The following HDAC4 variants were observed in gnomAD, a reference collection of about 807,000 sequenced individuals.
HDAC4 encodes the protein histone deacetylase A.
Under a neutral mutation model 135.1 loss-of-function variants are expected in HDAC4, and 16 were observed. The observed-to-expected ratio is 0.12, with a 90% confidence interval of 0.08 to 0.18. The LOEUF (loss-of-function observed/expected upper bound fraction) is 0.18. Ranked by LOEUF, HDAC4 falls within the 10% of genes least tolerant of loss-of-function variation. The pLI is 1.00. For missense variants in HDAC4, 1,143 were observed against 1,511.8 expected (o/e 0.76, Z 4.05); for synonymous variants, 685 against 653.4 (o/e 1.05, Z -0.74).
At chr2:239,346,054 A>ACAC (rs1362778018) in intron 2 of HDAC4, among the ~76,000 whole-genome samples, 3 of 136,618 alleles carry the variant, frequency 2.2e-5, no homozygotes, top group Admixed American at 7.5e-5. Context: ...TGAAACACAC[A>ACAC]CACCCCCATC....
intron 17 of HDAC4, among the ~76,000 whole-genome samples, chr2:239,092,532 G>T (rs769282473): frequency 1.3e-5 from 2 of 152,216 alleles, no homozygotes; most frequent in African/African-American, 4.8e-5. Flanking sequence ...GGAGCTGCTC[G>T]GTCTACCAGG....
chr2:239,383,944 G>C (rs545107425), intron 1 of HDAC4, among the ~76,000 whole-genome samples: 1 of 152,226 alleles, frequency 6.6e-6, no homozygotes, highest in Non-Finnish European at 1.5e-5. Flanking sequence ...AGGGCAGGGC[G>C]GCTGGAAGAG....
At chr2:239,237,813 TA>T (rs1475719712) in intron 2 of HDAC4, among the ~76,000 whole-genome samples, 1 of 151,914 alleles carries the variant, frequency 6.6e-6, no homozygotes, top group East Asian at 1.9e-4. Context: ...GTGCCAGAAA[TA>T]AAAATCAAAA....
chr2:239,055,590 A>T (rs1051936698), intron 24 of HDAC4, among the ~76,000 whole-genome samples: 1 of 151,928 alleles, frequency 6.6e-6, no homozygotes. Context: ...GGCGGTGGGC[A>T]CCTGTAGTCC....
intron 24 of HDAC4, among the ~76,000 whole-genome samples, chr2:239,064,193 G>T (rs2033175869): frequency 6.6e-6 from 1 of 152,252 alleles, no homozygotes; most frequent in Non-Finnish European, 1.5e-5. Flanking sequence ...GTCACCTGGA[G>T]ATATTGCTGG....
rs112537362 is a variant in HDAC4 at position 239,057,891 on chromosome 2, A to G, written c.3004-3058T>C. Among the ~76,000 whole-genome samples the G allele has an allele frequency of 3.0e-3, 450 of 152,358 alleles. 1 individual carries two copies. The highest frequency in any genetic ancestry group is 0.01 in the African/African-American group (428 of 41,576). ...TGGATGAACAGGGATGACATAGAGCAATAATAATGGTGTCTTATCAGTGAA... is the reference window on the plus strand; with the variant it reads ...TGGATGAACAGGGATGACATAGAGCGATAATAATGGTGTCTTATCAGTGAA... On this transcript the variant is annotated intron_variant, in intron 24 of 26. Transcript: ENST00000543185.
chr2:239,236,578 G>T lies in HDAC4; in HGVS notation c.94+15C>A, dbSNP rs1458744438. 2 of 1,549,456 alleles carry T rather than the reference G, an allele frequency of 1.3e-6. No homozygotes were observed. Among genetic ancestry groups the T allele is most frequent in the Non-Finnish European group, 1.7e-6 (2 of 1,144,956 alleles). ...CGCAGGGCCGGCCGGACAGGGCAGG[G>T]GTGGGCGGACTTACCCGTGCTGGGC... On this transcript the variant is annotated intron_variant, in intron 3 of 26. Coordinates refer to ENST00000543185, the MANE Select transcript of HDAC4 (RefSeq NM_001378414.1).
intron 3 of HDAC4, among the ~76,000 whole-genome samples, chr2:239,222,421 A>G (rs2047007846): frequency 6.6e-6 from 1 of 152,006 alleles, no homozygotes; most frequent in African/African-American, 2.4e-5. Context: ...GCAAGCTCAA[A>G]TTGAGCAAGA....
chr2:239,361,859 G>GT (rs2125967897), intron 1 of HDAC4, among the ~76,000 whole-genome samples: 1 of 152,294 alleles, frequency 6.6e-6, no homozygotes, highest in African/African-American at 2.4e-5. Context: ...TTATCTTGAT[G>GT]TATGTGTCTA....
intron 2 of HDAC4, among the ~76,000 whole-genome samples, chr2:239,275,397 C>T (rs2050298349): frequency 6.6e-6 from 1 of 152,230 alleles, no homozygotes; most frequent in Non-Finnish European, 1.5e-5. Context: ...CGGCAGGAGC[C>T]CAGACTTGCT....
At chr2:239,370,085 G>A (rs1366637188) in intron 1 of HDAC4, among the ~76,000 whole-genome samples, 2 of 152,254 alleles carry the variant, frequency 1.3e-5, no homozygotes, top group Admixed American at 1.3e-4. Context: ...GTACAGGACG[G>A]CAGGCCGTCT....
At chr2:239,304,165 T>C (rs1373240317) in intron 2 of HDAC4, among the ~76,000 whole-genome samples, 1 of 152,126 alleles carries the variant, frequency 6.6e-6, no homozygotes, top group African/African-American at 2.4e-5. Flanking sequence ...AGCAGGATAT[T>C]CACAAAGCCC....
Position 239,184,284 on chromosome 2 carries a change from T to TG in HDAC4, c.339+5548dup, listed in dbSNP as rs111920816. ...TACCTGCCCTGGAGGCTGTGCCCTA[T>TG]GGGGGGGTCCCTAAGTGTCTGTCCT... is the stretch of plus-strand genomic sequence containing the variant. On this transcript the variant is annotated intron_variant, in intron 4 of 26. Coordinates refer to ENST00000543185, the MANE Select transcript of HDAC4 (RefSeq NM_001378414.1). Among the ~76,000 whole-genome samples the TG allele has an allele frequency of 7.1e-3, 1,067 of 149,858 alleles. 4 individuals are homozygous for TG. Among genetic ancestry groups the TG allele is most frequent in the East Asian group, 0.034 (169 of 4,998 alleles).
At position 239,049,328 on chromosome 2, in the gene HDAC4, G is replaced by C. The variant is rs1454685038; in HGVS notation, c.*3769C>G. 6.6e-6 allele frequency: 1 copy of C among 152,506 alleles called. No homozygotes were observed. The highest frequency in any genetic ancestry group is 6.5e-5 in the Admixed American group (1 of 15,274). 9.4% of individuals were successfully genotyped at this position (152,506 alleles called of 1,614,324 possible). On this transcript the variant is annotated 3_prime_UTR_variant, in exon 27 of 27. Transcript: ENST00000543185. ...TCTTTTGTATCTGCAAATGTCATGA[G>C]AGGGGAACAGAAAGGCATTTTTCTT...
At chr2:239,395,256 G>A (rs55767285) in intron 1 of HDAC4, among the ~76,000 whole-genome samples, 13,876 of 152,216 alleles carry the variant, frequency 0.091, 1,791 homozygotes, top group African/African-American at 0.29. Context: ...CCAGGGCCCT[G>A]AGACCTTAGG....
chr2:239,132,874 G>C (rs1178656574), intron 11 of HDAC4, among the ~76,000 whole-genome samples: 1 of 152,156 alleles, frequency 6.6e-6, no homozygotes, highest in Non-Finnish European at 1.5e-5. Flanking sequence ...AGAAACTCAG[G>C]TGTCCTTCAC....
chr2:239,370,192 A>C (rs1191359729), intron 1 of HDAC4, among the ~76,000 whole-genome samples: 1 of 152,156 alleles, frequency 6.6e-6, no homozygotes, highest in Non-Finnish European at 1.5e-5. Flanking sequence ...AAATGCAAAG[A>C]CAACCATGCA....
At position 239,240,539 on chromosome 2, in the gene HDAC4, C is replaced by T. The variant is rs907765338; in HGVS notation, c.23-3875G>A. 6.6e-6 allele frequency among the ~76,000 whole-genome samples: 1 copy of T among 152,184 alleles called. No homozygotes were observed. Among genetic ancestry groups the T allele is most frequent in the Non-Finnish European group, 1.5e-5 (1 of 68,022 alleles). On this transcript the variant is annotated intron_variant, in intron 2 of 26. Transcript: ENST00000543185. This position sits in a 1 kb window ranked among gnomAD's most constrained non-coding sequence, Gnocchi z 4.5. ...AAGATGGGAAGCAAAGTACCACTTC[C>T]TCATCACACGCCTGCTGCAAGCAGG...
chr2:239,373,700 G>A (rs1301974778), intron 1 of HDAC4, among the ~76,000 whole-genome samples: 2 of 152,160 alleles, frequency 1.3e-5, no homozygotes, highest in Non-Finnish European at 2.9e-5. Context: ...CCGACCTCAG[G>A]TGATCCGCCT....
Sources: gnomAD v4.1 joint callset for allele counts (sites outside exome capture counted in the v4.1 genomes callset) on GRCh38, gnomAD v4.1.1 for gene constraint, Gnocchi (gnomAD v3.1) non-coding constraint, MANE v1.5 for transcripts, NCBI Gene and HGNC (gene_info 2026-07-23, HGNC 2026-07-21) for gene names.